SEZ6: variants seen among roughly 807,000 people sequenced by gnomAD.
The protein encoded by SEZ6 is seizure related 6 homolog, also known as seizure protein 6 homolog.
In SEZ6, 53 loss-of-function variants were observed where a neutral mutation model predicts 101.0. The observed-to-expected ratio is 0.52, with a 90% confidence interval of 0.42 to 0.66. The LOEUF (loss-of-function observed/expected upper bound fraction) is 0.66, where lower values mean the gene tolerates loss of function less well. Among genes scored for constraint, SEZ6 ranks in the 30% least tolerant of loss-of-function variants. The probability of loss-of-function intolerance (pLI) is 0.00; values close to 1 mark genes in which losing one functional copy is unlikely to be tolerated. For synonymous variants in SEZ6, 488 were observed against 512.2 expected (o/e 0.95, Z 0.64); for missense variants, 1,102 against 1,289.4 (o/e 0.85, Z 2.23).
intron 1 of SEZ6, among the ~76,000 whole-genome samples, chr17:28,986,084 C>G (rs2041378500): frequency 6.6e-6 from 1 of 152,158 alleles, no homozygotes; most frequent in Non-Finnish European, 1.5e-5. Context: ...GGCATGGCCC[C>G]GCCGCCGCCT....
At chr17:28,977,389 G>T (rs1239254995) in intron 3 of SEZ6, among the ~76,000 whole-genome samples, 1 of 152,260 alleles carries the variant, frequency 6.6e-6, no homozygotes. Flanking sequence ...GGCCGACAGT[G>T]TCCCCAAGGA....
intron 1 of SEZ6, among the ~76,000 whole-genome samples, chr17:28,990,804 A>C (rs1232510562): frequency 2.6e-5 from 4 of 152,038 alleles, no homozygotes; most frequent in Non-Finnish European, 5.9e-5. Flanking sequence ...ATATAATAAT[A>C]ATAAAAGTAA....
intron 1 of SEZ6, among the ~76,000 whole-genome samples, chr17:28,994,565 A>C (rs2041510051): frequency 6.8e-6 from 1 of 147,170 alleles, no homozygotes; most frequent in Non-Finnish European, 1.5e-5. Context: ...CCCGCCACTG[A>C]GCCTGGCTAA....
At chr17:28,966,884 G>C (rs746336466) in intron 4 of SEZ6, among the ~76,000 whole-genome samples, 1 of 152,202 alleles carries the variant, frequency 6.6e-6, no homozygotes, top group Non-Finnish European at 1.5e-5. Context: ...CTCCTCTTCT[G>C]TCTCTCATGG....
intron 1 of SEZ6, among the ~76,000 whole-genome samples, chr17:29,000,772 T>C (rs978809196): frequency 6.6e-6 from 1 of 152,180 alleles, no homozygotes; most frequent in African/African-American, 2.4e-5. Context: ...CCAAGTCCAT[T>C]CGAGGCATCC....
chr17:28,976,495 C>A (rs2041222955), intron 3 of SEZ6, among the ~76,000 whole-genome samples: 1 of 152,116 alleles, frequency 6.6e-6, no homozygotes, highest in Non-Finnish European at 1.5e-5. Context: ...CTGAGTGATC[C>A]CAGTGAATTC....
intron 1 of SEZ6, among the ~76,000 whole-genome samples, chr17:28,992,866 A>G (rs1370752592): frequency 6.6e-6 from 1 of 151,872 alleles, no homozygotes; most frequent in Non-Finnish European, 1.5e-5. Flanking sequence ...TGGAGAGGTG[A>G]TGAATGAGGC....
chr17:28,973,227 G>A lies in SEZ6; in HGVS notation c.859-3275C>T, dbSNP rs117363053. On this transcript the variant is annotated intron_variant, in intron 3 of 16. Coordinates refer to ENST00000317338, the MANE Select transcript of SEZ6 (RefSeq NM_178860.5). Reference sequence around the variant, plus strand: ...TAAGGAACTTGCAAAAGGTCACATAGGGGTTAAGCAGTCTTGCTTTGCTGA... The same window carrying A: ...TAAGGAACTTGCAAAAGGTCACATAAGGGTTAAGCAGTCTTGCTTTGCTGA... Among the ~76,000 whole-genome samples, 308 of 152,308 alleles carry A rather than the reference G, an allele frequency of 2.0e-3. 2 individuals are homozygous for A. The highest frequency in any genetic ancestry group is 2.4e-3 in the Non-Finnish European group (165 of 68,022).
At chr17:28,999,538 C>G (rs544733790) in intron 1 of SEZ6, among the ~76,000 whole-genome samples, 1 of 152,170 alleles carries the variant, frequency 6.6e-6, no homozygotes, top group Non-Finnish European at 1.5e-5. Flanking sequence ...GTTGGAGAAG[C>G]CGCAGGTTTG....
chr17:29,001,401 G>C (rs1241911783), intron 1 of SEZ6, among the ~76,000 whole-genome samples: 1 of 152,192 alleles, frequency 6.6e-6, no homozygotes, highest in Non-Finnish European at 1.5e-5. Context: ...GACCTGGATG[G>C]GGGAAGCCAA....
intron 4 of SEZ6, among the ~76,000 whole-genome samples, chr17:28,964,504 G>A (rs77054316): frequency 5.1e-4 from 78 of 152,296 alleles, no homozygotes; most frequent in Non-Finnish European, 5.1e-4. Context: ...AGAAATGATA[G>A]AGTATTTTAT....
rs1279811004 is a variant in SEZ6 at position 28,969,867 on chromosome 17, G to A, written c.944C>T (p.Ser315Phe). 2 of 1,537,960 alleles carry A rather than the reference G, an allele frequency of 1.3e-6. No individual in the cohort carries two copies. The highest frequency in any genetic ancestry group is 1.7e-6 in the Non-Finnish European group (2 of 1,152,070). Residue 315 changes from serine to phenylalanine, a missense_variant, in exon 4 of 17, where the codon TCT becomes TTT. This residue lies in a region of SEZ6 where 406 missense variants were observed against 418.6 expected (regional missense o/e 0.97). Coordinates refer to ENST00000317338, the MANE Select transcript of SEZ6 (RefSeq NM_178860.5). ...GATGACTTGGCCCCGCAGCAGGAAA[G>A]ACTGGTTGGCCAGGGGCAGTGGGTC... ...GPDPLPLANQ[S>F]FLLRGQVIRS...
At chr17:28,958,277 C>T in intron 10 of SEZ6, 136 bp from the exon 11 acceptor site, 2 of 986,250 alleles carry the variant, frequency 2.0e-6, no homozygotes, top group Admixed American at 5.6e-5. Context: ...GGATCCATTC[C>T]TCCCTGCTCA....
chr17:28,984,878 A>ATTC (rs2041356219), intron 1 of SEZ6, among the ~76,000 whole-genome samples: 7 of 152,128 alleles, frequency 4.6e-5, no homozygotes, highest in Admixed American at 4.6e-4. Context: ...GGGACTGACG[A>ATTC]AGGGAGAGTA....
rs8067666 is a variant in SEZ6, at chr17:28,970,885, G to C, written c.859-933C>G. On this transcript the variant is annotated intron_variant, in intron 3 of 16. Coordinates refer to ENST00000317338, the MANE Select transcript of SEZ6 (RefSeq NM_178860.5). ...TTGGCCCCTGCTGACTGTCAGCTGG[G>C]CCTTACACCATGCCCCTCCGCATGT... Among the ~76,000 whole-genome samples, 1,080 of 152,294 alleles carry C rather than the reference G, an allele frequency of 7.1e-3. 14 individuals carry two copies. Among genetic ancestry groups the C allele is most frequent in the African/African-American group, 0.025 (1,037 of 41,554 alleles).
chr17:29,005,956 G>T lies in SEZ6; in HGVS notation c.-87C>A. ...GGCTTGGGCGCGGGGGCAGAGCCGG[G>T]TCCGGCCGGGTAGAGGGAGCGGGGC... On this transcript the variant is annotated 5_prime_UTR_variant, in exon 1 of 17. Coordinates refer to ENST00000317338, the MANE Select transcript of SEZ6 (RefSeq NM_178860.5). The surrounding 1 kb of genome is among the most constrained non-coding windows in gnomAD (Gnocchi z 4.8). 8.4e-7 allele frequency: 1 copy of T among 1,191,708 alleles called. No homozygotes were observed. Among genetic ancestry groups the T allele is most frequent in the African/African-American group, 1.6e-5 (1 of 62,334 alleles). 73.8% of individuals were successfully genotyped at this position (1,191,708 alleles called of 1,614,324 possible).
chr17:28,979,891 G>T (rs1332878948), intron 2 of SEZ6, 78 bp from the exon 3 acceptor site: 1 of 1,108,438 alleles, frequency 9.0e-7, no homozygotes, highest in Non-Finnish European at 1.2e-6. Flanking sequence ...GTGTGTGTGT[G>T]TGTGTGTGTG....
intron 3 of SEZ6, among the ~76,000 whole-genome samples, chr17:28,970,209 T>C (rs577864786): frequency 6.6e-6 from 1 of 152,342 alleles, no homozygotes; most frequent in Admixed American, 6.5e-5. Flanking sequence ...CTGGGGTTTG[T>C]AAACACATCT....
intron 1 of SEZ6, among the ~76,000 whole-genome samples, chr17:28,991,952 C>T (rs1568000623): frequency 2.0e-5 from 3 of 152,158 alleles, no homozygotes; most frequent in African/African-American, 7.2e-5. Context: ...CGTACTTTGC[C>T]CTCACATGTG....
Sources: allele counts gnomAD v4.1 joint callset (sites outside exome capture counted in the v4.1 genomes callset), GRCh38; gene constraint gnomAD v4.1.1; regional missense constraint gnomAD v4.1.1; non-coding constraint Gnocchi (gnomAD v3.1); transcripts MANE v1.5; gene names NCBI Gene and HGNC (gene_info 2026-07-23, HGNC 2026-07-21).